ST6GALNAC2: variants seen among roughly 807,000 people sequenced by gnomAD.
The protein encoded by ST6GALNAC2 is alpha-N-acetylgalactosaminide alpha-2,6-sialyltransferase 2.
Under a neutral mutation model 38.7 loss-of-function variants are expected in ST6GALNAC2, and 42 were observed. The ratio of observed to expected loss-of-function variants is 1.09; its 90% CI spans 0.85 to 1.40. The LOEUF (loss-of-function observed/expected upper bound fraction) is 1.40. Ranked by LOEUF, ST6GALNAC2 falls within the 40% of genes most tolerant of loss-of-function variation. The pLI is 0.00. For missense variants in ST6GALNAC2, 506 were observed against 481.7 expected (o/e 1.05, Z -0.47); for synonymous variants, 233 against 209.0 (o/e 1.11, Z -0.99).
At chr17:76,567,821 G>T (rs2075303897) in intron 7 of ST6GALNAC2, 3 of 392,274 alleles carry the variant, frequency 7.6e-6, no homozygotes, top group Non-Finnish European at 1.4e-5. Context: ...CACTGCCAAG[G>T]GCATAGGTGG....
intron 1 of ST6GALNAC2, 59 bp downstream of exon 1, chr17:76,585,625 A>C: frequency 6.9e-7 from 1 of 1,456,392 alleles, no homozygotes; most frequent in Non-Finnish European, 9.0e-7. Context: ...TGGGCTGGGG[A>C]CCCTCCCCGC....
Position 76,573,851 on chromosome 17 carries a change from G to A in ST6GALNAC2, c.362-488C>T, listed in dbSNP as rs991238079. 3.3e-5 allele frequency among the ~76,000 whole-genome samples: 5 copies of A among 152,182 alleles called. No individual in the cohort carries two copies. The highest frequency in any genetic ancestry group is 4.8e-5 in the African/African-American group (2 of 41,430). ...TGAGGCACAAGAATCACTTGAACCC[G>A]GGAGGCGGAGGTTGTAGTGAGCTGA... On this transcript the variant is annotated intron_variant, in intron 3 of 8. Transcript: ENST00000225276. The surrounding 1 kb of genome is among the most constrained non-coding windows in gnomAD (Gnocchi z 5.1).
rs114357867 is a variant in ST6GALNAC2 at position 76,571,106 on chromosome 17, C to T, written c.670-438G>A. ...CCGTGAGACGCCATCTTGATGTCAG[C>T]TCCAGTCAAGCTTTTGGGTCTCTCA... On this transcript the variant is annotated intron_variant, in intron 5 of 8. Transcript: ENST00000225276. 699 of 154,700 alleles carry T rather than the reference C, an allele frequency of 4.5e-3. 2 individuals are homozygous for T. Among genetic ancestry groups the T allele is most frequent in the African/African-American group, 0.015 (639 of 41,620 alleles). 9.6% of individuals were successfully genotyped at this position (154,700 alleles called of 1,614,324 possible).
chr17:76,573,374 A>G lies in ST6GALNAC2; in HGVS notation c.362-11T>C, dbSNP rs1427388447. ...GGGTGGAGGCGATGACTGTGGGTGC[A>G]GATGGGGAGCAGCCATGAGGAGGGC... On this transcript the variant is annotated splice_polypyrimidine_tract_variant and intron_variant, in intron 3 of 8. Transcript: ENST00000225276. The surrounding 1 kb of genome is among the most constrained non-coding windows in gnomAD (Gnocchi z 5.1). The G allele has an allele frequency of 6.6e-7, 1 of 1,520,440 alleles. No individual in the cohort carries two copies. 94.2% of individuals were successfully genotyped at this position (1,520,440 alleles called of 1,614,324 possible). A position where few individuals can be genotyped will look rare whatever the true frequency, so the allele number is the denominator to read the frequency against.
chr17:76,568,361 G>A (rs1248392683), intron 7 of ST6GALNAC2: 1 of 296,592 alleles, frequency 3.4e-6, no homozygotes, highest in South Asian at 5.0e-5. Flanking sequence ...CCGGCACCTT[G>A]TGTTGGCTGT....
At chr17:76,585,572 C>T in intron 1 of ST6GALNAC2, 112 bp downstream of exon 1, 3 of 1,249,340 alleles carry the variant, frequency 2.4e-6, no homozygotes, top group South Asian at 1.7e-5. Context: ...CAGAGGGGTC[C>T]ACGCGGAGGT....
chr17:76,578,749 A>G lies in ST6GALNAC2; in HGVS notation c.186+7T>C. On this transcript the variant is annotated splice_region_variant and intron_variant, in intron 2 of 8. Coordinates refer to ENST00000225276, the MANE Select transcript of ST6GALNAC2 (RefSeq NM_006456.3). ...CAAAACTGCCACAGGGTAGTCGACC[A>G]CTCTACCTTTCCTGTCCAAGAATTC... 1 of 1,612,482 alleles carries G rather than the reference A, an allele frequency of 6.2e-7. No homozygotes were observed. Among genetic ancestry groups the G allele is most frequent in the South Asian group, 1.1e-5 (1 of 90,870 alleles).
Position 76,573,159 on chromosome 17 carries a change from T to TCCCAAC in ST6GALNAC2, c.530+35_530+36insGTTGGG. 6.5e-7 allele frequency: 1 copy of TCCCAAC among 1,530,322 alleles called. No homozygotes were observed. Among genetic ancestry groups the TCCCAAC allele is most frequent in the Non-Finnish European group, 8.9e-7 (1 of 1,120,830 alleles). The allele number at this position is 1,530,322 out of a possible 1,614,324, so 94.8% of individuals were successfully genotyped here. ...GACACCCCCACCCTCCAGGCAACTC[T>TCCCAAC]CCCTCCCGCCCCTCCCCAGCTCCTA... On this transcript the variant is annotated intron_variant, in intron 4 of 8. Coordinates refer to ENST00000225276, the MANE Select transcript of ST6GALNAC2 (RefSeq NM_006456.3). This position sits in a 1 kb window ranked among gnomAD's most constrained non-coding sequence, Gnocchi z 5.1.
chr17:76,576,722 G>A (rs956470937), intron 2 of ST6GALNAC2, among the ~76,000 whole-genome samples: 2 of 152,260 alleles, frequency 1.3e-5, no homozygotes, highest in Admixed American at 1.3e-4. Context: ...TATAATCCCA[G>A]CACTTTGGGA....
chr17:76,574,107 C>T (rs2075385350), intron 3 of ST6GALNAC2, among the ~76,000 whole-genome samples: 1 of 152,168 alleles, frequency 6.6e-6, no homozygotes, highest in South Asian at 2.1e-4. Flanking sequence ...GACGCTGCAG[C>T]CTTTCTTGCC....
At position 76,572,734 on chromosome 17, in the gene ST6GALNAC2, C is replaced by T. The variant is rs1304146405; in HGVS notation, c.572G>A (p.Gly191Asp). 3 of 1,614,174 alleles carry T rather than the reference C, an allele frequency of 1.9e-6. No homozygotes were observed. The highest frequency in any genetic ancestry group is 1.3e-5 in the African/African-American group (1 of 75,062). The stretch of plus-strand genomic sequence containing the variant: ...GAAACCATAGAAGGAAGTCTTGGTG[C>T]CCACATCGCGCTCGAAGCCTTTGAT... ...AVIKGFERDV[G>D]TKTSFYGFTV... Residue 191 changes from glycine to aspartate, a missense_variant, in exon 5 of 9, where the codon GGC becomes GAC. Transcript: ENST00000225276.
rs1179070169 is a variant in ST6GALNAC2, at chr17:76,565,400, T to TGGTGACATCATCCTGTG, written c.*703_*704insCACAGGATGATGTCACC. On this transcript the variant is annotated 3_prime_UTR_variant, in exon 9 of 9. Coordinates refer to ENST00000225276, the MANE Select transcript of ST6GALNAC2 (RefSeq NM_006456.3). ...GATATGAGGATGAAGGTTTATTACC[T>TGGTGACATCATCCTGTG]GGTGACATCATCCTGTTGGTGACAA... 4.7e-5 allele frequency: 1 copy of TGGTGACATCATCCTGTG among 21,418 alleles called. No homozygotes were observed. Among genetic ancestry groups the TGGTGACATCATCCTGTG allele is most frequent in the Non-Finnish European group, 1.1e-4 (1 of 8,806 alleles). The allele number at this position is 21,418 out of a possible 1,614,324, so 1.3% of individuals were successfully genotyped here.
intron 1 of ST6GALNAC2, 98 bp downstream of exon 1, chr17:76,585,586 G>A (rs1284693070): frequency 3.7e-6 from 5 of 1,346,176 alleles, no homozygotes; most frequent in Non-Finnish European, 4.8e-6. Flanking sequence ...CGGAGGTTGG[G>A]CTGAGGGCTG....
chr17:76,566,301 T>A (rs776659153), intron 8 of ST6GALNAC2, 30 bp from the exon 9 acceptor site: 7 of 1,611,374 alleles, frequency 4.3e-6, no homozygotes, highest in African/African-American at 4.0e-5. Flanking sequence ...GGATTAGTAT[T>A]TGTTGAGCGT....
chr17:76,566,610 C>T (rs1327133750), intron 8 of ST6GALNAC2, among the ~76,000 whole-genome samples: 1 of 151,792 alleles, frequency 6.6e-6, no homozygotes, highest in East Asian at 1.9e-4. Context: ...GTAATCCCAA[C>T]ACTGGGAAGC....
At chr17:76,572,825 G>A (rs755139239) in intron 4 of ST6GALNAC2, 50 bp from the exon 5 acceptor site, 39 of 1,609,514 alleles carry the variant, frequency 2.4e-5, no homozygotes, top group Non-Finnish European at 5.1e-6. Flanking sequence ...CAGGCCGTCT[G>A]TTCTGCTTCC....
In ST6GALNAC2 at chr17:76,567,483, C is replaced by T; in HGVS notation, c.927G>A (p.Met309Ile). 1 of 1,613,948 alleles carries T rather than the reference C, an allele frequency of 6.2e-7. No individual in the cohort carries two copies. The highest frequency in any genetic ancestry group is 8.5e-7 in the Non-Finnish European group (1 of 1,179,946). The change falls in exon 8 of 9, where the codon ATG becomes ATA. Residue 309 changes from methionine to isoleucine, a missense_variant. Coordinates refer to ENST00000225276, the MANE Select transcript of ST6GALNAC2 (RefSeq NM_006456.3). ...DLYMPSTGAL[M>I]LLTALHTCDQ... Reference sequence around the variant, plus strand: ...CACAGGTATGCAAAGCTGTCAGCAGCATGAGAGCCCCGGTACTAGGCATAT... The same window carrying T: ...CACAGGTATGCAAAGCTGTCAGCAGTATGAGAGCCCCGGTACTAGGCATAT...
At position 76,567,301 on chromosome 17, in the gene ST6GALNAC2, G is replaced by A. The variant is rs1259761752; in HGVS notation, c.957+152C>T. The A allele has an allele frequency of 2.3e-5, 14 of 595,830 alleles. 1 individual carries two copies. Among genetic ancestry groups the A allele is most frequent in the Non-Finnish European group, 3.9e-5 (13 of 337,298 alleles). 36.9% of individuals were successfully genotyped at this position (595,830 alleles called of 1,614,324 possible). On this transcript the variant is annotated intron_variant, in intron 8 of 8. Transcript: ENST00000225276. ...AGGCCCCAGGGTTGTGGGCAAGGAA[G>A]TGAGCAGTACCAGCAGCACTCTTGG...
rs564540260 is a variant in ST6GALNAC2, at chr17:76,581,709, C to A, written c.126-2893G>T. On this transcript the variant is annotated intron_variant, in intron 1 of 8. Coordinates refer to ENST00000225276, the MANE Select transcript of ST6GALNAC2 (RefSeq NM_006456.3). ...CTTCCAGCCCCTCCCTCTCAGGAAT[C>A]CAAGTGCCTGGGACACCTGGGAGGG... Among the ~76,000 whole-genome samples the A allele has an allele frequency of 5.0e-4, 76 of 152,262 alleles. 1 individual carries two copies. The highest frequency in any genetic ancestry group is 1.8e-3 in the African/African-American group (76 of 41,558).
Sources: gnomAD v4.1 joint callset for allele counts (sites outside exome capture counted in the v4.1 genomes callset) on GRCh38, gnomAD v4.1.1 for gene constraint, Gnocchi (gnomAD v3.1) non-coding constraint, MANE v1.5 for transcripts, NCBI Gene and HGNC (gene_info 2026-07-23, HGNC 2026-07-21) for gene names.